PUS7L: variants seen among roughly 807,000 people sequenced by gnomAD.
PUS7L encodes the protein pseudouridine synthase 7 like, also known as pseudouridylate synthase PUS7L.
A neutral mutation model predicts 51.1 loss-of-function variants in PUS7L; 49 were observed. The ratio of observed to expected loss-of-function variants is 0.96; its 90% CI spans 0.76 to 1.22. The LOEUF (loss-of-function observed/expected upper bound fraction) is 1.22, where lower values mean the gene tolerates loss of function less well. Among genes scored for constraint, PUS7L ranks in the 50% most tolerant of loss-of-function variants. The probability of loss-of-function intolerance (pLI) is 0.00; values close to 1 mark genes in which losing one functional copy is unlikely to be tolerated. For synonymous variants in PUS7L, 277 were observed against 276.2 expected, an observed-to-expected ratio of 1.00 and a Z score of -0.03; for missense variants, 828 against 820.6, an observed-to-expected ratio of 1.01 and a Z score of -0.11.
Position 43,720,168 on chromosome 12 carries a change from C to A in PUS7L, c.*10208G>T, listed in dbSNP as rs1172679223. The stretch of plus-strand genomic sequence containing the variant: ...AATATCATTGACTTAAAAATATTTT[C>A]TAATTTCATTTTGTCTTACTTGACA... On this transcript the variant is annotated 3_prime_UTR_variant, in exon 9 of 9. Transcript: ENST00000344862. The A allele has an allele frequency of 2.6e-5, 4 of 152,146 alleles. No individual in the cohort carries two copies. Among genetic ancestry groups the A allele is most frequent in the Non-Finnish European group, 5.9e-5 (4 of 68,014 alleles). The allele number at this position is 152,146 out of a possible 1,614,324, so 9.4% of individuals were successfully genotyped here. A position where few individuals can be genotyped will look rare whatever the true frequency, so the allele number is the denominator to read the frequency against.
At position 43,758,728 on chromosome 12, in the gene PUS7L, A is replaced by T; in HGVS notation, c.-17+2T>A. On this transcript the variant is annotated splice_donor_variant, in intron 1 of 8. Coordinates refer to ENST00000344862, the MANE Select transcript of PUS7L (RefSeq NM_031292.5). LOFTEE classifies it low-confidence loss of function (5UTR_SPLICE). ...TCGCGCAAGAAACTCGACCCCGTCT[A>T]CCTCGGTTCAGTGGAAGGCATTCAT... 1 of 961,842 alleles carries T rather than the reference A, an allele frequency of 1.0e-6. No individual in the cohort carries two copies. Among genetic ancestry groups the T allele is most frequent in the Non-Finnish European group, 1.2e-6 (1 of 825,436 alleles). 59.6% of individuals were successfully genotyped at this position (961,842 alleles called of 1,614,324 possible).
intron 5 of PUS7L, among the ~76,000 whole-genome samples, chr12:43,741,836 G>A (rs542255446): frequency 7.9e-5 from 12 of 152,234 alleles, no homozygotes; most frequent in Admixed American, 1.3e-4. Flanking sequence ...GAACACAGGT[G>A]AGTGAACGAG....
rs114776580 is a variant in PUS7L, at chr12:43,748,220, G to A, written c.1070+230C>T. ...TGTAAAATTTGATTAAGCTGACGGA[G>A]GCTAAATTTGAGTACTTTACATTCT... On this transcript the variant is annotated intron_variant, in intron 3 of 8. Transcript: ENST00000344862. Among the ~76,000 whole-genome samples the A allele has an allele frequency of 8.4e-3, 1,279 of 152,208 alleles. 16 individuals are homozygous for A. The highest frequency in any genetic ancestry group is 0.028 in the African/African-American group (1,156 of 41,534).
rs1195338018 is a variant in PUS7L at position 43,721,301 on chromosome 12, G to A, written c.*9075C>T. 4 of 152,088 alleles carry A rather than the reference G, an allele frequency of 2.6e-5. No homozygotes were observed. The highest frequency in any genetic ancestry group is 9.7e-5 in the African/African-American group (4 of 41,418). The allele number at this position is 152,088 out of a possible 1,614,324, so 9.4% of individuals were successfully genotyped here. On this transcript the variant is annotated 3_prime_UTR_variant, in exon 9 of 9. Transcript: ENST00000344862. ...CCTGGAATCCTCATTTGTTAAATGA[G>A]ACTAGTTATCATACCTGACAGCTTG...
Position 43,742,516 on chromosome 12 carries a change from C to T in PUS7L, c.1303G>A (p.Gly435Arg). The change falls in exon 5 of 9, where the codon GGG becomes AGG. Residue 435 changes from glycine (G) to arginine (R), a missense_variant. Physicochemically the swap from Gly to Arg is moderately radical, Grantham distance 125 (BLOSUM62 -2). Coordinates refer to ENST00000344862, the MANE Select transcript of PUS7L (RefSeq NM_031292.5). ...TCTGTGTGAACTTTCCTTCCCTTCC[C>T]AAATCTCTGTGGTCCATAGTAATTC... The part of the protein sequence containing the change: ...FVNYYGPQRF[G>R]KGRKVHTDQI... 6.2e-7 allele frequency: 1 copy of T among 1,609,798 alleles called. No homozygotes were observed. The highest frequency in any genetic ancestry group is 8.5e-7 in the Non-Finnish European group (1 of 1,178,456).
rs906292544 is a variant in PUS7L, at chr12:43,728,658, T to C, written c.*1718A>G. The C allele has an allele frequency of 6.6e-6, 1 of 151,370 alleles. No individual in the cohort carries two copies. The highest frequency in any genetic ancestry group is 1.5e-5 in the Non-Finnish European group (1 of 67,498). 9.4% of individuals were successfully genotyped at this position (151,370 alleles called of 1,614,324 possible). ...CCAAAACATATAACAAAAAAAACTT[T>C]TTAGTATTAAAAAAAATCCAAATAC... On this transcript the variant is annotated 3_prime_UTR_variant, in exon 9 of 9. Transcript: ENST00000344862.
At chr12:43,755,472 T>C (rs60544563) in intron 1 of PUS7L, among the ~76,000 whole-genome samples, 2,384 of 152,336 alleles carry the variant, frequency 0.016, 71 homozygotes, top group African/African-American at 0.053. Flanking sequence ...AAACTATTTC[T>C]GGTATAGCTA....
intron 6 of PUS7L, among the ~76,000 whole-genome samples, chr12:43,737,007 ATAATT>A (rs1944710261): frequency 6.6e-6 from 1 of 152,228 alleles, no homozygotes; most frequent in Non-Finnish European, 1.5e-5. Context: ...AAAGGATTAA[ATAATT>A]TAATTGCTGA....
intron 5 of PUS7L, among the ~76,000 whole-genome samples, chr12:43,741,394 T>G (rs1937891574): frequency 6.6e-6 from 1 of 152,210 alleles, no homozygotes; most frequent in Non-Finnish European, 1.5e-5. Context: ...ACATGCTATC[T>G]CCATTTTACA....
At chr12:43,744,524 G>A (rs781291121) in intron 4 of PUS7L, among the ~76,000 whole-genome samples, 26 of 152,198 alleles carry the variant, frequency 1.7e-4, no homozygotes, top group Non-Finnish European at 1.0e-4. Flanking sequence ...ATACGGAACT[G>A]TGAGTTAATT....
chr12:43,745,398 GGTT>G (rs1442167940), intron 4 of PUS7L, among the ~76,000 whole-genome samples: 2 of 152,190 alleles, frequency 1.3e-5, no homozygotes, highest in East Asian at 1.9e-4. Context: ...GAATCATAGA[GGTT>G]GTTACTCCCA....
chr12:43,726,320 G>A lies in PUS7L; in HGVS notation c.*4056C>T, dbSNP rs1267101715. ...AAGGACTCCCTATTTAATAAATGGT[G>A]CTGGGATAACTGGTTAGCCACATCC... On this transcript the variant is annotated 3_prime_UTR_variant, in exon 9 of 9. Coordinates refer to ENST00000344862, the MANE Select transcript of PUS7L (RefSeq NM_031292.5). 6.6e-6 allele frequency: 1 copy of A among 152,172 alleles called. No individual in the cohort carries two copies. The highest frequency in any genetic ancestry group is 6.5e-5 in the Admixed American group (1 of 15,276). 9.4% of individuals were successfully genotyped at this position (152,172 alleles called of 1,614,324 possible). A position where few individuals can be genotyped will look rare whatever the true frequency, so the allele number is the denominator to read the frequency against.
intron 4 of PUS7L, among the ~76,000 whole-genome samples, chr12:43,744,307 A>G (rs1938058205): frequency 6.6e-6 from 1 of 152,140 alleles, no homozygotes; most frequent in Non-Finnish European, 1.5e-5. Context: ...CATGGGAAGG[A>G]CCCGGTGGGA....
intron 1 of PUS7L, 76 bp downstream of exon 1, chr12:43,758,654 A>ACCCC (rs760755963): frequency 4.3e-6 from 2 of 462,572 alleles, no homozygotes; most frequent in Non-Finnish European, 4.8e-6. Flanking sequence ...CAACCTCGTC[A>ACCCC]CCCCCCCCCC....
chr12:43,735,921 C>A (rs947775790), intron 7 of PUS7L, among the ~76,000 whole-genome samples: 2 of 152,006 alleles, frequency 1.3e-5, no homozygotes, highest in African/African-American at 2.4e-5. Flanking sequence ...GGATTACAGG[C>A]GTGCGCTACC....
At chr12:43,745,235 G>C (rs1938107092) in intron 4 of PUS7L, among the ~76,000 whole-genome samples, 1 of 152,168 alleles carries the variant, frequency 6.6e-6, no homozygotes, top group South Asian at 2.1e-4. Context: ...ACATTTAAAT[G>C]TCGGGAAAAT....
rs1944695240 is a variant in PUS7L, at chr12:43,736,543, A to G, written c.1563T>C (p.Ser521=). ...TEEGCIQAWF[S]LPHSMRIFYV... ...AGAATATGCGCATGGAATGGGGTAA[A>G]GAGAACCATGCCTGGATACAACCTT... Residue 521 remains serine, a synonymous_variant, in exon 7 of 9, where the codon TCT becomes TCC. Coordinates refer to ENST00000344862, the MANE Select transcript of PUS7L (RefSeq NM_031292.5). The G allele has an allele frequency of 1.2e-6, 2 of 1,614,230 alleles. No homozygotes were observed. Among genetic ancestry groups the G allele is most frequent in the Middle Eastern group, 3.3e-4 (2 of 6,062 alleles).
chr12:43,722,724 T>G lies in PUS7L; in HGVS notation c.*7652A>C, dbSNP rs903278514. 1 of 152,116 alleles carries G rather than the reference T, an allele frequency of 6.6e-6. No individual in the cohort carries two copies. Among genetic ancestry groups the G allele is most frequent in the African/African-American group, 2.4e-5 (1 of 41,436 alleles). 9.4% of individuals were successfully genotyped at this position (152,116 alleles called of 1,614,324 possible). ...AGAAAAGAACACTAGTCCTTTATGT[T>G]CCCCTGCCACAGGGGAGGCATTGGA... On this transcript the variant is annotated 3_prime_UTR_variant, in exon 9 of 9. Coordinates refer to ENST00000344862, the MANE Select transcript of PUS7L (RefSeq NM_031292.5).
At chr12:43,733,860 C>T (rs1370019676) in intron 7 of PUS7L, among the ~76,000 whole-genome samples, 1 of 152,146 alleles carries the variant, frequency 6.6e-6, no homozygotes, top group Non-Finnish European at 1.5e-5. Flanking sequence ...AATTAAATTA[C>T]CATTCTTAGT....
Sources: gnomAD v4.1 joint callset for allele counts (sites outside exome capture counted in the v4.1 genomes callset) on GRCh38, gnomAD v4.1.1 for gene constraint, MANE v1.5 for transcripts, NCBI Gene and HGNC (gene_info 2026-07-23, HGNC 2026-07-21) for gene names.